Variants in EEFSEC observed in about 807,000 individuals in gnomAD.
The protein encoded by EEFSEC is selenocysteine-specific elongation factor.
In EEFSEC, 43 loss-of-function variants were observed where a neutral mutation model predicts 42.1. The ratio of observed to expected loss-of-function variants is 1.02; its 90% CI spans 0.80 to 1.32. The LOEUF (loss-of-function observed/expected upper bound fraction) is 1.32. Ranked by LOEUF, EEFSEC falls within the 40% of genes most tolerant of loss-of-function variation. The probability of loss-of-function intolerance (pLI) is 0.00; values close to 1 mark genes in which losing one functional copy is unlikely to be tolerated. For missense variants in EEFSEC, 745 were observed against 803.6 expected, an observed-to-expected ratio of 0.93 and a Z score of 0.88; for synonymous variants, 354 against 339.1, an observed-to-expected ratio of 1.04 and a Z score of -0.48.
chr3:128,159,139 T>C (rs1416054763), intron 1 of EEFSEC, among the ~76,000 whole-genome samples: 2 of 152,260 alleles, frequency 1.3e-5, no homozygotes, highest in Non-Finnish European at 1.5e-5. Context: ...TGTTCCCCAT[T>C]GAGTGCCTGC....
At position 128,291,671 on chromosome 3, in the gene EEFSEC, A is replaced by C. The variant is rs1427841097; in HGVS notation, c.786+26890A>C. 2.0e-5 allele frequency among the ~76,000 whole-genome samples: 3 copies of C among 152,230 alleles called. No homozygotes were observed. In the East Asian group the frequency reaches 5.8e-4, roughly 29 times the overall value. ...TAAATTGCTCACTAGATCCTTGCTA[A>C]AATTTCTCACTAGATTTAGTAGTTA... On this transcript the variant is annotated intron_variant, in intron 4 of 6. Transcript: ENST00000254730.
chr3:128,202,047 T>C (rs1559866464), intron 1 of EEFSEC, among the ~76,000 whole-genome samples: 1 of 152,232 alleles, frequency 6.6e-6, no homozygotes, highest in East Asian at 1.9e-4. Context: ...TTTGATTTGT[T>C]TGTCTGTCTT....
At chr3:128,232,064 C>G (rs1356245200) in intron 1 of EEFSEC, among the ~76,000 whole-genome samples, 1 of 152,178 alleles carries the variant, frequency 6.6e-6, no homozygotes, top group Non-Finnish European at 1.5e-5. Context: ...TTCCCACCCC[C>G]ACCCCCAAGC....
chr3:128,366,434 C>G (rs2067591088), intron 6 of EEFSEC, among the ~76,000 whole-genome samples: 2 of 152,216 alleles, frequency 1.3e-5, no homozygotes, highest in Non-Finnish European at 2.9e-5. Context: ...CTCAATCCTG[C>G]CAGCAGCCCA....
intron 6 of EEFSEC, among the ~76,000 whole-genome samples, chr3:128,388,726 A>C (rs1317037997): frequency 6.6e-6 from 1 of 152,264 alleles, no homozygotes; most frequent in Non-Finnish European, 1.5e-5. Context: ...GGTGCCGGCC[A>C]GAGCGTCTAG....
chr3:128,259,258 C>G (rs1039038406), intron 2 of EEFSEC, among the ~76,000 whole-genome samples: 1 of 152,276 alleles, frequency 6.6e-6, no homozygotes, highest in Middle Eastern at 3.4e-3. Context: ...GGTGGCTCTT[C>G]CTGGCGGAAA....
At chr3:128,339,542 G>T (rs2108073361) in intron 4 of EEFSEC, among the ~76,000 whole-genome samples, 1 of 152,338 alleles carries the variant, frequency 6.6e-6, no homozygotes, top group Non-Finnish European at 1.5e-5. Context: ...TTTTATTGGA[G>T]ACTTTTCTAT....
At chr3:128,365,761 C>G (rs1484368716) in intron 6 of EEFSEC, among the ~76,000 whole-genome samples, 1 of 152,224 alleles carries the variant, frequency 6.6e-6, no homozygotes, top group Admixed American at 6.5e-5. Flanking sequence ...ACCTTTCAAG[C>G]AGGGATTGGC....
chr3:128,238,839 G>A (rs1454874736), intron 1 of EEFSEC, among the ~76,000 whole-genome samples: 3 of 152,192 alleles, frequency 2.0e-5, no homozygotes, highest in South Asian at 2.1e-4. Context: ...CCTGCTGGAC[G>A]CTGGGTCAAC....
intron 2 of EEFSEC, among the ~76,000 whole-genome samples, chr3:128,259,421 G>T (rs2066275213): frequency 6.6e-6 from 1 of 152,166 alleles, no homozygotes; most frequent in African/African-American, 2.4e-5. Context: ...ATTTTTAAAA[G>T]ACTATTTTGT....
intron 1 of EEFSEC, among the ~76,000 whole-genome samples, chr3:128,198,503 G>A (rs2065609963): frequency 6.6e-6 from 1 of 152,182 alleles, no homozygotes; most frequent in African/African-American, 2.4e-5. Context: ...CACTCTTCCG[G>A]CAGCACATGT....
intron 1 of EEFSEC, among the ~76,000 whole-genome samples, chr3:128,221,391 G>C (rs995400498): frequency 6.6e-6 from 1 of 152,222 alleles, no homozygotes; most frequent in Non-Finnish European, 1.5e-5. Flanking sequence ...ACAAGAAGTT[G>C]CCTGTAACTG....
chr3:128,419,961 G>C, the EEFSEC span, among the ~76,000 whole-genome samples: 1 of 152,160 alleles, frequency 6.6e-6, no homozygotes, highest in Non-Finnish European at 1.5e-5. Context: ...GCGGGAGGGG[G>C]GACAGCCAAG....
chr3:128,326,989 A>G (rs1237281504), intron 4 of EEFSEC, among the ~76,000 whole-genome samples: 3 of 152,182 alleles, frequency 2.0e-5, no homozygotes, highest in Non-Finnish European at 1.5e-5. Context: ...GTGTGGCATC[A>G]TATTCTGAGC....
At chr3:128,246,749 G>A in intron 1 of EEFSEC, 87 bp from the exon 2 acceptor site, 6 of 1,383,514 alleles carry the variant, frequency 4.3e-6, no homozygotes, top group Non-Finnish European at 6.1e-6. Context: ...CACTTTTACT[G>A]CAGTGCTTTG....
intron 4 of EEFSEC, among the ~76,000 whole-genome samples, chr3:128,266,165 C>T (rs928610571): frequency 1.3e-5 from 2 of 152,194 alleles, no homozygotes; most frequent in African/African-American, 4.8e-5. Flanking sequence ...ATCTGCTTTA[C>T]TCAACATCCA....
rs73201468 is a variant in EEFSEC at position 128,352,182 on chromosome 3, T to C, written c.1444-6035T>C. Among the ~76,000 whole-genome samples the C allele has an allele frequency of 4.0e-3, 604 of 152,304 alleles. 2 individuals are homozygous for C. Among genetic ancestry groups the C allele is most frequent in the Admixed American group, 9.1e-3 (139 of 15,292 alleles). On this transcript the variant is annotated intron_variant, in intron 5 of 6. Transcript: ENST00000254730. Reference sequence around the variant, plus strand: ...GCCATGTTCCCCCATCCTCACCTCCTGACACTCAGGACAGATCATGACCCC... The same window carrying C: ...GCCATGTTCCCCCATCCTCACCTCCCGACACTCAGGACAGATCATGACCCC...
At chr3:128,379,848 A>C (rs1576686089) in intron 6 of EEFSEC, among the ~76,000 whole-genome samples, 1 of 152,336 alleles carries the variant, frequency 6.6e-6, no homozygotes, top group African/African-American at 2.4e-5. Flanking sequence ...CTGTCCCCAC[A>C]CACCCAATGC....
chr3:128,403,811 T>TCCC (rs1396604801), intron 6 of EEFSEC, among the ~76,000 whole-genome samples: 1 of 152,106 alleles, frequency 6.6e-6, no homozygotes. Flanking sequence ...CTCCTCCTCC[T>TCCC]CCCTTGGAGC....
Sources: gnomAD v4.1 joint callset for allele counts (sites outside exome capture counted in the v4.1 genomes callset) on GRCh38, gnomAD v4.1.1 for gene constraint, MANE v1.5 for transcripts, NCBI Gene and HGNC (gene_info 2026-07-23, HGNC 2026-07-21) for gene names.